The following CPPED1 variants were observed in gnomAD, a reference collection of about 807,000 sequenced individuals.
CPPED1 encodes the protein calcineurin like phosphoesterase domain containing 1, also known as serine/threonine-protein phosphatase CPPED1.
In CPPED1, 28 loss-of-function variants were observed where a neutral mutation model predicts 28.0. The ratio of observed to expected loss-of-function variants is 1.00; its 90% CI spans 0.74 to 1.37. The LOEUF (loss-of-function observed/expected upper bound fraction) is 1.37, where lower values mean the gene tolerates loss of function less well. Ranked by LOEUF, CPPED1 falls within the 40% of genes most tolerant of loss-of-function variation. The probability of loss-of-function intolerance (pLI) is 0.00; values close to 1 mark genes in which losing one functional copy is unlikely to be tolerated. For missense variants in CPPED1, 504 were observed against 416.5 expected (o/e 1.21, Z -1.83); for synonymous variants, 198 against 180.2 (o/e 1.10, Z -0.79).
intron 2 of CPPED1, chr16:12,720,366 A>T (rs1346780594): frequency 6.5e-6 from 1 of 154,430 alleles, no homozygotes; most frequent in Non-Finnish European, 1.5e-5. Context: ...GGCTTCAGTT[A>T]CTAGCAAGCT....
At chr16:12,673,916 G>A (rs2079865325) in intron 3 of CPPED1, among the ~76,000 whole-genome samples, 1 of 152,074 alleles carries the variant, frequency 6.6e-6, no homozygotes, top group African/African-American at 2.4e-5. Context: ...AGGCATGGAG[G>A]TGCATGCCTG....
At position 12,662,937 on chromosome 16, in the gene CPPED1, T is replaced by TAC. The variant is rs2141161400; in HGVS notation, c.*1947_*1948dup. ...GTGCCACAATTCAGAGCATTGTGCATACGTAAGAACAGAGTGAGAGCTCCT... is the reference window on the plus strand; with the variant it reads ...GTGCCACAATTCAGAGCATTGTGCATACACGTAAGAACAGAGTGAGAGCTCCT... On this transcript the variant is annotated 3_prime_UTR_variant, in exon 4 of 4. Transcript: ENST00000381774. The TAC allele has an allele frequency of 6.6e-6, 1 of 152,336 alleles. No homozygotes were observed. Among genetic ancestry groups the TAC allele is most frequent in the Non-Finnish European group, 1.5e-5 (1 of 68,052 alleles). The allele number at this position is 152,336 out of a possible 1,614,324, so 9.4% of individuals were successfully genotyped here.
chr16:12,799,251 T>G (rs1217863126), intron 1 of CPPED1, among the ~76,000 whole-genome samples: 1 of 81,614 alleles, frequency 1.2e-5, no homozygotes, highest in South Asian at 2.8e-4. Context: ...CAGTTTTTTT[T>G]TTTTTTTTTT....
intron 2 of CPPED1, among the ~76,000 whole-genome samples, chr16:12,759,659 G>A (rs2080396685): frequency 6.6e-6 from 1 of 152,198 alleles, no homozygotes; most frequent in Non-Finnish European, 1.5e-5. Flanking sequence ...TCGGGGGGTG[G>A]TGTGGTTACC....
At chr16:12,686,933 T>G (rs1040952564) in intron 3 of CPPED1, among the ~76,000 whole-genome samples, 2 of 152,174 alleles carry the variant, frequency 1.3e-5, no homozygotes, top group African/African-American at 4.8e-5. Context: ...AATATAAGCA[T>G]CAGTGGTGAC....
intron 3 of CPPED1, among the ~76,000 whole-genome samples, chr16:12,675,139 G>A (rs1261091670): frequency 6.6e-6 from 1 of 152,224 alleles, no homozygotes; most frequent in Non-Finnish European, 1.5e-5. Flanking sequence ...CTCGATGGAG[G>A]TAAGGAATGT....
intron 1 of CPPED1, among the ~76,000 whole-genome samples, chr16:12,801,695 A>G (rs1275526888): frequency 3.3e-5 from 5 of 152,172 alleles, no homozygotes; most frequent in African/African-American, 1.2e-4. Context: ...AAAACCAGAA[A>G]CAACTAAATG....
rs1388435297 is a variant in CPPED1 at position 12,660,909 on chromosome 16, T to TC, written c.*3976dup. On this transcript the variant is annotated 3_prime_UTR_variant, in exon 4 of 4. Transcript: ENST00000381774. Reference sequence around the variant, plus strand: ...GGAAGGACTGCTTGGGGCCAGGAGTTCAAGACCAGCCTGGGTAACAGAGCA... The same window carrying TC: ...GGAAGGACTGCTTGGGGCCAGGAGTTCCAAGACCAGCCTGGGTAACAGAGCA... The TC allele has an allele frequency of 6.6e-6, 1 of 152,288 alleles. No individual in the cohort carries two copies. Among genetic ancestry groups the TC allele is most frequent in the African/African-American group, 2.4e-5 (1 of 41,412 alleles). The allele number at this position is 152,288 out of a possible 1,614,324, so 9.4% of individuals were successfully genotyped here. A position where few individuals can be genotyped will look rare whatever the true frequency, so the allele number is the denominator to read the frequency against.
chr16:12,661,378 G>C lies in CPPED1; in HGVS notation c.*3508C>G, dbSNP rs1457683775. The C allele has an allele frequency of 1.3e-5, 2 of 152,148 alleles. No homozygotes were observed. Among genetic ancestry groups the C allele is most frequent in the African/African-American group, 4.8e-5 (2 of 41,428 alleles). 9.4% of individuals were successfully genotyped at this position (152,148 alleles called of 1,614,324 possible). ...AATAGGATAAAACGTTCTGTTGCTA[G>C]TCCCATAAAGCTTACTACATTTTTT... On this transcript the variant is annotated 3_prime_UTR_variant, in exon 4 of 4. Transcript: ENST00000381774.
chr16:12,681,889 A>T (rs752292413), intron 3 of CPPED1, among the ~76,000 whole-genome samples: 4 of 152,180 alleles, frequency 2.6e-5, no homozygotes, highest in Non-Finnish European at 4.4e-5. Flanking sequence ...AAAGAGCAGA[A>T]TTGGGAAATA....
chr16:12,782,047 G>C (rs553988944), intron 1 of CPPED1, among the ~76,000 whole-genome samples: 1 of 152,252 alleles, frequency 6.6e-6, no homozygotes, highest in Admixed American at 6.5e-5. Context: ...TGAGGTGTGA[G>C]GCTGGGGGTG....
At chr16:12,737,865 A>G (rs1426177057) in intron 2 of CPPED1, among the ~76,000 whole-genome samples, 1 of 152,176 alleles carries the variant, frequency 6.6e-6, no homozygotes, top group African/African-American at 2.4e-5. Flanking sequence ...CTTGGCATTC[A>G]TCTTCCCTGT....
intron 3 of CPPED1, among the ~76,000 whole-genome samples, chr16:12,674,388 C>T (rs2079867688): frequency 6.6e-6 from 1 of 152,128 alleles, no homozygotes; most frequent in African/African-American, 2.4e-5. Context: ...ATGGGGGAAA[C>T]ACTTCTTGGG....
chr16:12,791,796 C>G (rs1049376536), intron 1 of CPPED1, among the ~76,000 whole-genome samples: 4 of 152,208 alleles, frequency 2.6e-5, no homozygotes, highest in Non-Finnish European at 5.9e-5. Context: ...CGTTTGCATT[C>G]CCTTTCTGGC....
chr16:12,730,615 C>G (rs1432328980), intron 2 of CPPED1, among the ~76,000 whole-genome samples: 3 of 152,126 alleles, frequency 2.0e-5, no homozygotes, highest in Non-Finnish European at 4.4e-5. Context: ...GGCTATAACA[C>G]AGAACCAATT....
chr16:12,698,963 C>T (rs1361245244), intron 3 of CPPED1, among the ~76,000 whole-genome samples: 2 of 152,058 alleles, frequency 1.3e-5, no homozygotes, highest in South Asian at 2.1e-4. Context: ...GAAAAGGTAT[C>T]GAGACATCAA....
chr16:12,689,217 CTTTTTTTT>C (rs869107040), intron 3 of CPPED1, among the ~76,000 whole-genome samples: 4 of 83,596 alleles, frequency 4.8e-5, no homozygotes, highest in African/African-American at 1.0e-4. Context: ...GAAAAGAGGG[CTTTTTTTT>C]TTTTTTTTTT....
At chr16:12,695,796 T>C (rs2079986736) in intron 3 of CPPED1, among the ~76,000 whole-genome samples, 2 of 152,226 alleles carry the variant, frequency 1.3e-5, no homozygotes, top group Non-Finnish European at 2.9e-5. Flanking sequence ...TCTCTCACCA[T>C]TTGGCTGTGC....
At chr16:12,758,075 T>G (rs148398916) in intron 2 of CPPED1, among the ~76,000 whole-genome samples, 9 of 152,032 alleles carry the variant, frequency 5.9e-5, no homozygotes, top group African/African-American at 9.6e-5. Context: ...CCCCTTTCTA[T>G]CTCCCATACT....
Sources: gnomAD v4.1 joint callset for allele counts (sites outside exome capture counted in the v4.1 genomes callset) on GRCh38, gnomAD v4.1.1 for gene constraint, MANE v1.5 for transcripts, NCBI Gene and HGNC (gene_info 2026-07-23, HGNC 2026-07-21) for gene names.